Variants in COL4A2 observed in about 807,000 individuals in gnomAD.
The protein encoded by COL4A2 is collagen alpha-2(IV) chain.
In COL4A2, 99 loss-of-function variants were observed where a neutral mutation model predicts 200.2. The ratio of observed to expected loss-of-function variants is 0.49; its 90% CI spans 0.42 to 0.58. The LOEUF (loss-of-function observed/expected upper bound fraction) is 0.58, where lower values mean the gene tolerates loss of function less well. COL4A2 is among the 20% of genes least tolerant of loss of function. The pLI, the probability that COL4A2 is intolerant of heterozygous loss-of-function variation, is 0.00. For missense variants in COL4A2, 1,950 were observed against 2,314.1 expected, an observed-to-expected ratio of 0.84 and a Z score of 3.23; for synonymous variants, 897 against 900.6, an observed-to-expected ratio of 1.00 and a Z score of 0.07.
chr13:110,480,887 CAG>C (rs1882875961), intron 31 of COL4A2, among the ~76,000 whole-genome samples: 2 of 151,952 alleles, frequency 1.3e-5, no homozygotes, highest in Admixed American at 1.3e-4. Flanking sequence ...TGGAGACACA[CAG>C]TTCTGTCCTT....
chr13:110,390,475 G>T (rs1239182633), intron 4 of COL4A2, among the ~76,000 whole-genome samples: 3 of 152,218 alleles, frequency 2.0e-5, no homozygotes, highest in Non-Finnish European at 4.4e-5. Context: ...ACCCCGAGTG[G>T]TGATGTGTTG....
intron 27 of COL4A2, chr13:110,468,347 C>A: frequency 2.1e-6 from 1 of 471,366 alleles, no homozygotes; most frequent in South Asian, 1.5e-5. Context: ...ATTTCAACAC[C>A]GTCACTCATA....
chr13:110,489,552 G>A (rs1230377948), intron 35 of COL4A2, 44 bp downstream of exon 35: 2 of 1,609,308 alleles, frequency 1.2e-6, no homozygotes, highest in Admixed American at 3.3e-5. Flanking sequence ...CCACAATTCA[G>A]AGCTCTCTGA....
At position 110,385,445 on chromosome 13, in the gene COL4A2, C is replaced by T. The variant is rs1237222972; in HGVS notation, c.180+27893C>T. Among the ~76,000 whole-genome samples the T allele has an allele frequency of 2.1e-4, 15 of 71,670 alleles. No individual in the cohort carries two copies. The South Asian group carries it at 6.3e-3, about 30-fold the overall frequency. 47.0% of individuals were successfully genotyped at this position (71,670 alleles called of 152,430 possible). Reference sequence around the variant, plus strand: ...CTGTGGTTACAGTGCCTGGATAGACCGTGGCTGCAGTGTGTGGATAGGCCG... The same window carrying T: ...CTGTGGTTACAGTGCCTGGATAGACTGTGGCTGCAGTGTGTGGATAGGCCG... On this transcript the variant is annotated intron_variant, in intron 4 of 47. Transcript: ENST00000360467.
At chr13:110,386,468 G>A (rs1878756146) in intron 4 of COL4A2, among the ~76,000 whole-genome samples, 1 of 152,174 alleles carries the variant, frequency 6.6e-6, no homozygotes, top group African/African-American at 2.4e-5. Context: ...TTCTAGCCAT[G>A]CAATTGGGTG....
intron 4 of COL4A2, among the ~76,000 whole-genome samples, chr13:110,404,496 A>G (rs1879490250): frequency 6.6e-6 from 1 of 152,162 alleles, no homozygotes; most frequent in Admixed American, 6.5e-5. Flanking sequence ...GTCCCCAGCT[A>G]AGACACAAGG....
chr13:110,506,462 C>T lies in COL4A2; in HGVS notation c.4450C>T (p.Arg1484Cys), dbSNP rs189639861. Residue 1484 changes from arginine (R) to cysteine (C), a missense_variant, in exon 46 of 48, where the codon CGC (arginine) becomes TGC (cysteine). By Grantham distance (180) the Arg-to-Cys change is radical (BLOSUM62 -3). This residue lies in a region of COL4A2 where 1,385 missense variants were observed against 1,720.5 expected (regional missense o/e 0.80). Transcript: ENST00000360467. ...CCCGGGCCTGCCGGGTATGCCAGGC[C>T]GCAGCGTCAGCATCGGCTACCTCCT... ...GSPGLPGMPGRSVSIGYLLVK... is the reference protein window; with the variant it reads ...GSPGLPGMPGCSVSIGYLLVK... 86 of 1,612,786 alleles carry T rather than the reference C, an allele frequency of 5.3e-5. No homozygotes were observed. Among genetic ancestry groups the T allele is most frequent in the East Asian group, 3.1e-4 (14 of 44,852 alleles).
chr13:110,434,601 G>A (rs1880804015), intron 12 of COL4A2, among the ~76,000 whole-genome samples, 159 bp downstream of exon 12: 1 of 152,226 alleles, frequency 6.6e-6, no homozygotes, highest in Admixed American at 6.5e-5. Context: ...AAAGTGCTAG[G>A]TTGTCACCTA....
chr13:110,509,346 GA>G (rs1365870701), intron 47 of COL4A2, among the ~76,000 whole-genome samples: 4 of 138,424 alleles, frequency 2.9e-5, no homozygotes, highest in Non-Finnish European at 6.3e-5. Context: ...AAAACAACAG[GA>G]AAAAAAATCC....
Position 110,496,547 on chromosome 13 carries a change from AGCG to A in COL4A2, c.3760+1082_3760+1084del, listed in dbSNP as rs1883460435. On this transcript the variant is annotated intron_variant, in intron 40 of 47. Coordinates refer to ENST00000360467, the MANE Select transcript of COL4A2 (RefSeq NM_001846.4). The stretch of plus-strand genomic sequence containing the variant: ...ACAGTCCACCAGCACAGCCTCAGCC[AGCG>A]GTGAGGATCTAGGGTCAGTCCACCA... 7.2e-5 allele frequency among the ~76,000 whole-genome samples: 11 copies of A among 151,806 alleles called. No homozygotes were observed. In the South Asian group the frequency reaches 2.3e-3, roughly 32 times the overall value.
At chr13:110,423,354 T>C (rs1594205643) in intron 4 of COL4A2, among the ~76,000 whole-genome samples, 1 of 152,144 alleles carries the variant, frequency 6.6e-6, no homozygotes, top group Admixed American at 6.5e-5. Context: ...ATTAGAAATA[T>C]GCATATGTCC....
Position 110,357,508 on chromosome 13 carries a change from G to A in COL4A2, c.136G>A (p.Asp46Asn), listed in dbSNP as rs1877330142. 1 of 1,594,850 alleles carries A rather than the reference G, an allele frequency of 6.3e-7. No homozygotes were observed. Among genetic ancestry groups the A allele is most frequent in the Non-Finnish European group, 8.6e-7 (1 of 1,168,732 alleles). Reference protein sequence around the residue: ...KKFDVPCGGRDCSGGCQCYPE... With the variant: ...KKFDVPCGGRNCSGGCQCYPE... ...GTTTGATGTGCCGTGTGGAGGAAGA[G>A]ATTGCAGTGGGGGCTGCCAGTGCTA... Residue 46 changes from aspartate (D) to asparagine (N), a missense_variant, in exon 4 of 48, where the codon GAT becomes AAT. Asp to Asn is a conservative substitution (Grantham distance 23). Coordinates refer to ENST00000360467, the MANE Select transcript of COL4A2 (RefSeq NM_001846.4).
intron 4 of COL4A2, among the ~76,000 whole-genome samples, chr13:110,397,274 T>G (rs1879212353): frequency 6.6e-6 from 1 of 152,184 alleles, no homozygotes; most frequent in Non-Finnish European, 1.5e-5. Context: ...CAAATACAAG[T>G]CTAACAGGGA....
intron 3 of COL4A2, among the ~76,000 whole-genome samples, chr13:110,320,191 A>G (rs1233753948): frequency 6.6e-6 from 1 of 152,102 alleles, no homozygotes; most frequent in Non-Finnish European, 1.5e-5. Flanking sequence ...ACCCAGGAAC[A>G]GTCCTAACCC....
At chr13:110,429,738 TGTTCA>T (rs1377228628) in intron 7 of COL4A2, 142 bp from the exon 8 acceptor site, 1 of 659,002 alleles carries the variant, frequency 1.5e-6, no homozygotes, top group Non-Finnish European at 2.6e-6. Context: ...ATAGGGTTGG[TGTTCA>T]GAATAACCCC....
At chr13:110,377,715 T>C (rs1416396823) in intron 4 of COL4A2, among the ~76,000 whole-genome samples, 2 of 152,262 alleles carry the variant, frequency 1.3e-5, no homozygotes, top group African/African-American at 2.4e-5. Flanking sequence ...TATGTTGAGC[T>C]AACCTTGGTG....
chr13:110,368,483 C>T (rs1222700416), intron 4 of COL4A2, among the ~76,000 whole-genome samples: 1 of 152,200 alleles, frequency 6.6e-6, no homozygotes, highest in Non-Finnish European at 1.5e-5. Context: ...ATGCCTTTGA[C>T]TAGACATAAA....
At chr13:110,345,333 G>A (rs986394688) in intron 3 of COL4A2, among the ~76,000 whole-genome samples, 4 of 152,200 alleles carry the variant, frequency 2.6e-5, no homozygotes, top group Non-Finnish European at 5.9e-5. Flanking sequence ...TAAGCATTCC[G>A]CTGTAGTTGA....
rs768751210 is a variant in COL4A2, at chr13:110,357,495, G to A, written c.123G>A (p.Pro41=). Residue 41 remains proline, a synonymous_variant, in exon 4 of 48, where the codon CCG becomes CCA. Coordinates refer to ENST00000360467, the MANE Select transcript of COL4A2 (RefSeq NM_001846.4). The part of the protein sequence containing the change: ...VLAGVKKFDV[P]CGGRDCSGGC... ...AGGGTGTGAAGAAGTTTGATGTGCC[G>A]TGTGGAGGAAGAGATTGCAGTGGGG... 3.1e-5 allele frequency: 50 copies of A among 1,594,658 alleles called. No homozygotes were observed. The highest frequency in any genetic ancestry group is 1.4e-4 in the Admixed American group (8 of 58,642).
Sources: allele counts gnomAD v4.1 joint callset (sites outside exome capture counted in the v4.1 genomes callset), GRCh38; gene constraint gnomAD v4.1.1; regional missense constraint gnomAD v4.1.1; transcripts MANE v1.5; gene names NCBI Gene and HGNC (gene_info 2026-07-23, HGNC 2026-07-21).